ZDHHC13: variants seen among roughly 807,000 people sequenced by gnomAD.
ZDHHC13 encodes palmitoyltransferase ZDHHC13.
A neutral mutation model predicts 86.0 loss-of-function variants in ZDHHC13; 85 were observed. That is an observed-to-expected ratio of 0.99 (90% CI 0.83 to 1.18). The LOEUF (loss-of-function observed/expected upper bound fraction) is 1.18, where lower values mean the gene tolerates loss of function less well. ZDHHC13 is among the 50% of genes most tolerant of loss of function. ZDHHC13 has a pLI of 0.00. For missense variants in ZDHHC13, 711 were observed against 730.2 expected (o/e 0.97, Z 0.30); for synonymous variants, 263 against 246.4 (o/e 1.07, Z -0.63).
intron 9 of ZDHHC13, among the ~76,000 whole-genome samples, chr11:19,158,325 A>G (rs945393929): frequency 6.6e-6 from 1 of 152,170 alleles, no homozygotes; most frequent in Admixed American, 6.5e-5. Flanking sequence ...AAACTGCAGT[A>G]TTTTGGATAA....
At chr11:19,173,631 A>G (rs1850283706) in intron 16 of ZDHHC13, among the ~76,000 whole-genome samples, 1 of 152,206 alleles carries the variant, frequency 6.6e-6, no homozygotes, top group Non-Finnish European at 1.5e-5. Flanking sequence ...GAGGAGAGAA[A>G]TTGACTTAAC....
intron 1 of ZDHHC13, among the ~76,000 whole-genome samples, chr11:19,133,776 T>C (rs1033048301): frequency 6.6e-6 from 1 of 151,658 alleles, no homozygotes; most frequent in Admixed American, 6.6e-5. Context: ...CAGGAAACTG[T>C]TCTTTTAGTG....
At chr11:19,175,642 C>T (rs1184687980) in intron 16 of ZDHHC13, among the ~76,000 whole-genome samples, 180 bp from the exon 17 acceptor site, 5 of 152,018 alleles carry the variant, frequency 3.3e-5, no homozygotes, top group African/African-American at 1.2e-4. Flanking sequence ...GATTCAGGTC[C>T]AGAAATAGGC....
Position 19,122,459 on chromosome 11 carries a change from A to G in ZDHHC13, c.27+5183A>G, listed in dbSNP as rs543660096. 1.2e-4 allele frequency among the ~76,000 whole-genome samples: 18 copies of G among 152,280 alleles called. No homozygotes were observed. The South Asian group carries it at 1.2e-3, about 11-fold the overall frequency. On this transcript the variant is annotated intron_variant, in intron 1 of 16. Transcript: ENST00000446113. ...AATTCATGGCTTCTTTGTAGAAATCAGCTTAAGCTACTTGCTCATTTTGGG... is the reference window on the plus strand; with the variant it reads ...AATTCATGGCTTCTTTGTAGAAATCGGCTTAAGCTACTTGCTCATTTTGGG...
intron 16 of ZDHHC13, among the ~76,000 whole-genome samples, chr11:19,175,304 G>A (rs910701584): frequency 4.1e-5 from 6 of 147,260 alleles, no homozygotes; most frequent in Admixed American, 1.4e-4. Flanking sequence ...GCAGGAGAAT[G>A]GCGTGAACCT....
At chr11:19,134,010 A>C (rs1430015932) in intron 1 of ZDHHC13, among the ~76,000 whole-genome samples, 1 of 150,098 alleles carries the variant, frequency 6.7e-6, no homozygotes, top group African/African-American at 2.4e-5. Context: ...TTCAGAGGTT[A>C]AAAATATGAG....
Position 19,143,011 on chromosome 11 carries a change from G to T in ZDHHC13, c.61G>T (p.Gly21Ter). 6.2e-7 allele frequency: 1 copy of T among 1,611,502 alleles called. No individual in the cohort carries two copies. Among genetic ancestry groups the T allele is most frequent in the Non-Finnish European group, 8.5e-7 (1 of 1,178,732 alleles). Residue 21 changes from glycine to a stop codon, truncating the protein, a stop_gained, in exon 2 of 17, where the codon GGA (glycine) becomes TGA (stop). Coordinates refer to ENST00000446113, the MANE Select transcript of ZDHHC13 (RefSeq NM_019028.3). LOFTEE classifies it high-confidence loss of function. The stretch of plus-strand genomic sequence containing the variant: ...TCACAGCCATGGCCCCCACCCTCCA[G>T]GATTTGGTCGATATGGCATCTGTGC... ...RNHSHGPHPP[G>*]FGRYGICAHE...
chr11:19,175,460 C>T (rs1333721590), intron 16 of ZDHHC13, among the ~76,000 whole-genome samples: 1 of 146,188 alleles, frequency 6.8e-6, no homozygotes, highest in East Asian at 2.1e-4. Flanking sequence ...GTTGTTCTGG[C>T]CTATGTGGCC....
intron 10 of ZDHHC13, among the ~76,000 whole-genome samples, chr11:19,160,493 G>A (rs1011353647): frequency 1.3e-5 from 2 of 151,844 alleles, no homozygotes; most frequent in African/African-American, 4.9e-5. Flanking sequence ...ATAAATTCTA[G>A]GGTAATTGAC....
Position 19,176,168 on chromosome 11 carries a change from C to T in ZDHHC13, c.*208C>T. 2.5e-6 allele frequency: 1 copy of T among 394,120 alleles called. No individual in the cohort carries two copies. The highest frequency in any genetic ancestry group is 4.3e-6 in the Non-Finnish European group (1 of 232,186). The allele number at this position is 394,120 out of a possible 1,614,324, so 24.4% of individuals were successfully genotyped here. A position where few individuals can be genotyped will look rare whatever the true frequency, so the allele number is the denominator to read the frequency against. On this transcript the variant is annotated 3_prime_UTR_variant, in exon 17 of 17. Transcript: ENST00000446113. ...GACTTTTCTGATAAATCTTGGCAGA[C>T]ATCTAAAAAAAAAACCATATTTTTC...
At chr11:19,170,382 T>TTA (rs1850186942) in intron 14 of ZDHHC13, 29 bp from the exon 15 acceptor site, 1 of 1,410,450 alleles carries the variant, frequency 7.1e-7, no homozygotes, top group African/African-American at 1.5e-5. Context: ...TGCCTTTTTT[T>TTA]TTTTTTTTTT....
chr11:19,159,591 C>T (rs1849854452), intron 10 of ZDHHC13, among the ~76,000 whole-genome samples: 1 of 150,136 alleles, frequency 6.7e-6, no homozygotes, highest in Non-Finnish European at 1.5e-5. Flanking sequence ...TATTTCATCC[C>T]ATTTCCTTTT....
At chr11:19,119,802 C>G (rs994051134) in intron 1 of ZDHHC13, among the ~76,000 whole-genome samples, 1 of 152,200 alleles carries the variant, frequency 6.6e-6, no homozygotes, top group Non-Finnish European at 1.5e-5. Context: ...ATGCCTAGCA[C>G]TGGTGAGTAC....
At chr11:19,169,176 C>G in intron 14 of ZDHHC13, 1 of 985,446 alleles carries the variant, frequency 1.0e-6, no homozygotes, top group Non-Finnish European at 1.2e-6. Context: ...AATCCATAAA[C>G]TGAAAGAAAA....
intron 1 of ZDHHC13, among the ~76,000 whole-genome samples, chr11:19,126,860 T>C (rs564905036): frequency 3.3e-5 from 5 of 152,310 alleles, no homozygotes; most frequent in African/African-American, 7.2e-5. Context: ...CAGTTTGTCA[T>C]TGATGGGCAT....
At chr11:19,122,735 T>G (rs1848782580) in intron 1 of ZDHHC13, among the ~76,000 whole-genome samples, 1 of 152,170 alleles carries the variant, frequency 6.6e-6, no homozygotes, top group South Asian at 2.1e-4. Flanking sequence ...GGTAAAGCTT[T>G]AAAAACTCAA....
intron 1 of ZDHHC13, among the ~76,000 whole-genome samples, chr11:19,119,965 G>T (rs76960105): frequency 1.3e-5 from 2 of 152,212 alleles, no homozygotes; most frequent in Non-Finnish European, 2.9e-5. Context: ...CGATAATCTG[G>T]CAGGATAATG....
intron 10 of ZDHHC13, among the ~76,000 whole-genome samples, chr11:19,159,996 T>G (rs1401641269): frequency 6.6e-6 from 1 of 152,038 alleles, no homozygotes; most frequent in Non-Finnish European, 1.5e-5. Context: ...TGTGTTCATT[T>G]AAACTTCCAC....
chr11:19,143,268 C>T, intron 2 of ZDHHC13, 145 bp downstream of exon 2: 1 of 851,844 alleles, frequency 1.2e-6, no homozygotes, highest in Non-Finnish European at 1.7e-6. Context: ...GTCATACCAA[C>T]ACCACAGTAC....
Sources: gnomAD v4.1 joint callset for allele counts (sites outside exome capture counted in the v4.1 genomes callset) on GRCh38, gnomAD v4.1.1 for gene constraint, MANE v1.5 for transcripts, NCBI Gene and HGNC (gene_info 2026-07-23, HGNC 2026-07-21) for gene names.